FERMT2: variants seen among roughly 807,000 people sequenced by gnomAD.
FERMT2 encodes the protein fermitin family homolog 2.
In FERMT2, 15 loss-of-function variants were observed where a neutral mutation model predicts 82.7. The observed-to-expected ratio is 0.18, with a 90% CI of 0.12 to 0.28. FERMT2 has a LOEUF of 0.28. FERMT2 is among the 10% of genes least tolerant of loss of function. The probability of loss-of-function intolerance (pLI) is 1.00; values close to 1 mark genes in which losing one functional copy is unlikely to be tolerated. For missense variants in FERMT2, 645 were observed against 809.4 expected (o/e 0.80, Z 2.46); for synonymous variants, 274 against 271.5 (o/e 1.01, Z -0.09).
intron 3 of FERMT2, among the ~76,000 whole-genome samples, chr14:52,917,624 A>G (rs1447062292): frequency 6.6e-6 from 1 of 152,218 alleles, no homozygotes; most frequent in African/African-American, 2.4e-5. Flanking sequence ...ATCCCCTGAA[A>G]TGACAGCAAA....
At position 52,859,156 on chromosome 14, in the gene FERMT2, T is replaced by C. The variant is rs538376268; in HGVS notation, c.1869+417A>G. The C allele has an allele frequency of 3.2e-3, 505 of 159,686 alleles. 5 individuals are homozygous for C. Among genetic ancestry groups the C allele is most frequent in the African/African-American group, 0.011 (466 of 41,768 alleles). 9.9% of individuals were successfully genotyped at this position (159,686 alleles called of 1,614,324 possible). ...TCTGTAGTTACTTTGTGCGTGGTCATAGACAATGATGGCCCTCAGGTCTCT... is the reference window on the plus strand; with the variant it reads ...TCTGTAGTTACTTTGTGCGTGGTCACAGACAATGATGGCCCTCAGGTCTCT... On this transcript the variant is annotated intron_variant, in intron 14 of 14. Transcript: ENST00000341590.
In FERMT2 at chr14:52,949,351, G is replaced by T. The variant is rs544240131; in HGVS notation, c.157+1061C>A. 2.7e-5 allele frequency among the ~76,000 whole-genome samples: 4 copies of T among 146,052 alleles called. No homozygotes were observed. In the South Asian group the frequency reaches 8.8e-4, roughly 32 times the overall value. On this transcript the variant is annotated intron_variant, in intron 2 of 14. Transcript: ENST00000341590. ...AAATAAGCACTTCTCTACTTTCCCA[G>T]TGTAGCTTGAAAACGAATGCTGTGT...
In FERMT2 at chr14:52,933,718, A is replaced by G. The variant is rs200644507; in HGVS notation, c.158-14362T>C. 9.2e-3 allele frequency among the ~76,000 whole-genome samples: 1,349 copies of G among 147,022 alleles called. 63 individuals are homozygous for G. The highest frequency in any genetic ancestry group is 0.064 in the East Asian group (317 of 4,920). ...AGAGCAAAACTCCGTCTCAAAAAAA[A>G]AAAAAAAAAAAAAAAAAAAGGGAAA... is the stretch of plus-strand genomic sequence containing the variant. On this transcript the variant is annotated intron_variant, in intron 2 of 14. Transcript: ENST00000341590.
chr14:52,902,686 T>TG, intron 3 of FERMT2, among the ~76,000 whole-genome samples: 1 of 150,714 alleles, frequency 6.6e-6, no homozygotes, highest in South Asian at 2.1e-4. Context: ...CTGGGCAACA[T>TG]GGTGAAACCC....
At chr14:52,892,063 A>C (rs1288713780) in intron 4 of FERMT2, among the ~76,000 whole-genome samples, 1 of 152,146 alleles carries the variant, frequency 6.6e-6, no homozygotes, top group Non-Finnish European at 1.5e-5. Context: ...AAAGTAATGA[A>C]AGGGAATCTA....
chr14:52,940,983 G>C (rs563145855), intron 2 of FERMT2, among the ~76,000 whole-genome samples: 2 of 152,174 alleles, frequency 1.3e-5, no homozygotes, highest in South Asian at 4.2e-4. Flanking sequence ...CCCACACCTA[G>C]GTAGTTACCC....
At chr14:52,935,791 C>T (rs1044097029) in intron 2 of FERMT2, among the ~76,000 whole-genome samples, 9 of 152,140 alleles carry the variant, frequency 5.9e-5, no homozygotes, top group Admixed American at 5.2e-4. Flanking sequence ...ATTCACTCTT[C>T]AAAATAAAGA....
rs948735041 is a variant in FERMT2 at position 52,859,570 on chromosome 14, T to C, written c.1869+3A>G. The C allele has an allele frequency of 2.5e-6, 4 of 1,602,336 alleles. No individual in the cohort carries two copies. Among genetic ancestry groups the C allele is most frequent in the Non-Finnish European group, 3.4e-6 (4 of 1,173,346 alleles). On this transcript the variant is annotated splice_donor_region_variant and intron_variant, in intron 14 of 14. Coordinates refer to ENST00000341590, the MANE Select transcript of FERMT2 (RefSeq NM_006832.3). ...TATTCAAGTAACATTGTTATGAGTTTACCATTTTGATTTCCCAGTTGACAT... is the reference window on the plus strand; with the variant it reads ...TATTCAAGTAACATTGTTATGAGTTCACCATTTTGATTTCCCAGTTGACAT...
Position 52,881,162 on chromosome 14 carries a change from A to G in FERMT2, c.753-24T>C, listed in dbSNP as rs781274834. 3.8e-6 allele frequency: 6 copies of G among 1,596,292 alleles called. No homozygotes were observed. The Admixed American group carries it at 1.0e-4, about 27-fold the overall frequency. On this transcript the variant is annotated intron_variant, in intron 5 of 14. Transcript: ENST00000341590. ...ATCTGGACAAATTAAGAACAGTGGAACAAAACAACACAGAATGAAGACAAT... is the reference window on the plus strand; with the variant it reads ...ATCTGGACAAATTAAGAACAGTGGAGCAAAACAACACAGAATGAAGACAAT...
intron 2 of FERMT2, among the ~76,000 whole-genome samples, chr14:52,940,615 T>A (rs1162329368): frequency 6.6e-6 from 1 of 152,218 alleles, no homozygotes; most frequent in African/African-American, 2.4e-5. Flanking sequence ...GAAGAACTAT[T>A]TTCAAAGAAT....
intron 2 of FERMT2, among the ~76,000 whole-genome samples, chr14:52,944,929 T>A (rs1337325039): frequency 6.6e-6 from 1 of 152,074 alleles, no homozygotes; most frequent in African/African-American, 2.4e-5. Context: ...AGACAGAGTC[T>A]TGCTCTGTTG....
At chr14:52,911,027 G>A (rs1171959387) in intron 3 of FERMT2, among the ~76,000 whole-genome samples, 2 of 152,088 alleles carry the variant, frequency 1.3e-5, no homozygotes, top group Admixed American at 1.3e-4. Context: ...GTTATATACT[G>A]TCACTTCAGT....
At position 52,874,926 on chromosome 14, in the gene FERMT2, A is replaced by G. The variant is rs151293666; in HGVS notation, c.1098+297T>C. Among the ~76,000 whole-genome samples the G allele has an allele frequency of 5.5e-3, 831 of 152,216 alleles. 6 individuals carry two copies. The highest frequency in any genetic ancestry group is 0.038 in the South Asian group (183 of 4,822). On this transcript the variant is annotated intron_variant, in intron 8 of 14. Transcript: ENST00000341590. ...AAAAATTAGCCAGGTGTGGTGGTGC[A>G]TGGTTGTAGTCTCAGCTACTCAGGA...
At chr14:52,877,240 C>A (rs1886013730) in intron 7 of FERMT2, among the ~76,000 whole-genome samples, 1 of 152,138 alleles carries the variant, frequency 6.6e-6, no homozygotes, top group Admixed American at 6.5e-5. Flanking sequence ...AATCTGTGGT[C>A]TTTCACACAT....
Position 52,881,235 on chromosome 14 carries a change from A to C in FERMT2, c.752+9T>G, listed in dbSNP as rs1344370580. 1 of 1,611,794 alleles carries C rather than the reference A, an allele frequency of 6.2e-7. No homozygotes were observed. Among genetic ancestry groups the C allele is most frequent in the Admixed American group, 1.7e-5 (1 of 59,976 alleles). On this transcript the variant is annotated intron_variant, in intron 5 of 14. Coordinates refer to ENST00000341590, the MANE Select transcript of FERMT2 (RefSeq NM_006832.3). The stretch of plus-strand genomic sequence containing the variant: ...AGAAATTCAATTTTATCTATATCTT[A>C]AAACTTACCCTTGGTTGATTTTTGC...
chr14:52,892,869 T>C (rs1242853432), intron 4 of FERMT2, among the ~76,000 whole-genome samples: 1 of 152,260 alleles, frequency 6.6e-6, no homozygotes, highest in African/African-American at 2.4e-5. Flanking sequence ...CTATTCCTTT[T>C]TGACTCTCTG....
At chr14:52,922,911 C>T (rs1354115541) in intron 2 of FERMT2, among the ~76,000 whole-genome samples, 3 of 152,158 alleles carry the variant, frequency 2.0e-5, no homozygotes, top group Admixed American at 6.6e-5. Flanking sequence ...GGCAAGTTCA[C>T]TGTTGTGTGA....
chr14:52,897,971 C>T (rs551187602), intron 3 of FERMT2, among the ~76,000 whole-genome samples: 11 of 76,154 alleles, frequency 1.4e-4, no homozygotes, highest in Admixed American at 4.2e-4. Flanking sequence ...AGTGAAACTC[C>T]GTCTCAAAAA....
chr14:52,864,685 A>G (rs992891489), intron 11 of FERMT2, 62 bp downstream of exon 11: 2 of 1,575,896 alleles, frequency 1.3e-6, no homozygotes, highest in South Asian at 1.1e-5. Context: ...AGTATAAAAT[A>G]TAAGGATGAC....
Sources: gnomAD v4.1 joint callset for allele counts (sites outside exome capture counted in the v4.1 genomes callset) on GRCh38, gnomAD v4.1.1 for gene constraint, MANE v1.5 for transcripts, NCBI Gene and HGNC (gene_info 2026-07-23, HGNC 2026-07-21) for gene names.